ITCH: variants seen among roughly 807,000 people sequenced by gnomAD.
ITCH encodes the protein E3 ubiquitin-protein ligase Itchy homolog.
Under a neutral mutation model 126.8 loss-of-function variants are expected in ITCH, and 28 were observed. That is an observed-to-expected ratio of 0.22 (90% CI 0.16 to 0.30). The LOEUF is 0.30. Ranked by LOEUF, ITCH falls within the 10% of genes least tolerant of loss-of-function variation. The pLI, the probability that ITCH is intolerant of heterozygous loss-of-function variation, is 1.00. For synonymous variants in ITCH, 342 were observed against 340.0 expected (o/e 1.01, Z -0.06); for missense variants, 631 against 1,032.4 (o/e 0.61, Z 5.33).
intron 2 of ITCH, among the ~76,000 whole-genome samples, chr20:34,375,695 AATTTTTTTTTT>A (rs2037813544): frequency 2.2e-5 from 3 of 135,084 alleles, no homozygotes; most frequent in South Asian, 2.3e-4. Flanking sequence ...TGGTAGTTAA[AATTTTTTTTTT>A]TTTTTTTTTT....
rs182814630 is a variant in ITCH at position 34,427,163 on chromosome 20, C to G, written c.521+2638C>G. Among the ~76,000 whole-genome samples the G allele has an allele frequency of 2.9e-3, 447 of 152,274 alleles. 1 individual carries two copies. Among genetic ancestry groups the G allele is most frequent in the Non-Finnish European group, 5.4e-3 (369 of 68,020 alleles). ...AGTTTATAAAGCTGTTGTGTCTTAC[C>G]TAATAGGTATCTGCTTTCACATTCT... On this transcript the variant is annotated intron_variant, in intron 7 of 24. Transcript: ENST00000374864.
chr20:34,464,123 C>A (rs1478507138), intron 14 of ITCH, among the ~76,000 whole-genome samples: 1 of 151,274 alleles, frequency 6.6e-6, no homozygotes, highest in Non-Finnish European at 1.5e-5. Flanking sequence ...TACAGGCGCC[C>A]GCCACCATGC....
rs184566505 is a variant in ITCH at position 34,430,147 on chromosome 20, T to C, written c.521+5622T>C. On this transcript the variant is annotated intron_variant, in intron 7 of 24. Transcript: ENST00000374864. ...GTCTATTCTTCCTTCAGTTAGTCCTTAAACGTTTATGAGTTAGGTACTATT... is the reference window on the plus strand; with the variant it reads ...GTCTATTCTTCCTTCAGTTAGTCCTCAAACGTTTATGAGTTAGGTACTATT... 5.3e-5 allele frequency among the ~76,000 whole-genome samples: 8 copies of C among 152,340 alleles called. No individual in the cohort carries two copies. The East Asian group carries it at 1.3e-3, about 26-fold the overall frequency.
intron 3 of ITCH, among the ~76,000 whole-genome samples, chr20:34,400,368 A>G (rs899920523): frequency 6.6e-6 from 1 of 152,140 alleles, no homozygotes. Flanking sequence ...TCCCTGACCT[A>G]GGATTGCTGC....
chr20:34,457,239 AAATT>A, intron 12 of ITCH, 147 bp from the exon 13 acceptor site: 1 of 662,454 alleles, frequency 1.5e-6, no homozygotes, highest in Non-Finnish European at 2.7e-6. Flanking sequence ...AATAGTCAAT[AAATT>A]AAACCTTTTA....
At position 34,427,801 on chromosome 20, in the gene ITCH, A is replaced by C. The variant is rs78587214; in HGVS notation, c.521+3276A>C. ...TGGTCATTTACCTCTTCTTTTACAC[A>C]ATAAACCTGTATCTTTGTATAATAA... On this transcript the variant is annotated intron_variant, in intron 7 of 24. Transcript: ENST00000374864. 1.9e-3 allele frequency among the ~76,000 whole-genome samples: 293 copies of C among 152,326 alleles called. 1 individual carries two copies. Among genetic ancestry groups the C allele is most frequent in the African/African-American group, 6.8e-3 (281 of 41,582 alleles).
intron 23 of ITCH, among the ~76,000 whole-genome samples, chr20:34,503,401 A>G (rs765688519): frequency 6.6e-6 from 1 of 152,160 alleles, no homozygotes; most frequent in Non-Finnish European, 1.5e-5. Context: ...TTTTATGATC[A>G]CTTTTCACAG....
chr20:34,413,603 A>G, intron 5 of ITCH, 139 bp from the exon 6 acceptor site: 1 of 743,046 alleles, frequency 1.3e-6, no homozygotes, highest in South Asian at 2.3e-5. Context: ...ACCTTGGGTG[A>G]AACATAGTTA....
At chr20:34,416,831 G>A (rs1250032445) in intron 6 of ITCH, among the ~76,000 whole-genome samples, 2 of 151,402 alleles carry the variant, frequency 1.3e-5, no homozygotes, top group Non-Finnish European at 2.9e-5. Flanking sequence ...AATTTGTTAT[G>A]GTGTTTTCCT....
chr20:34,483,386 A>G (rs907417915), intron 20 of ITCH, among the ~76,000 whole-genome samples: 4 of 152,164 alleles, frequency 2.6e-5, no homozygotes, highest in African/African-American at 9.7e-5. Flanking sequence ...ACAGCACGCA[A>G]GTCTCCTCTT....
At chr20:34,505,871 G>A (rs1309600783) in intron 24 of ITCH, among the ~76,000 whole-genome samples, 2 of 152,124 alleles carry the variant, frequency 1.3e-5, no homozygotes, top group African/African-American at 4.8e-5. Context: ...ACAACCTTTT[G>A]TGTGTAGCTT....
chr20:34,422,745 T>C (rs1980946243), intron 6 of ITCH, among the ~76,000 whole-genome samples: 1 of 152,166 alleles, frequency 6.6e-6, no homozygotes, highest in African/African-American at 2.4e-5. Flanking sequence ...CTCTTGCCTG[T>C]TTACAGGAGC....
At chr20:34,415,042 C>T (rs1979637964) in intron 6 of ITCH, among the ~76,000 whole-genome samples, 6 of 152,144 alleles carry the variant, frequency 3.9e-5, no homozygotes, top group South Asian at 2.1e-4. Flanking sequence ...CAGATATTTC[C>T]ATCACTTCCT....
intron 6 of ITCH, among the ~76,000 whole-genome samples, chr20:34,414,457 CTTTTTTTTTTTTT>C (rs770240058): frequency 9.9e-5 from 7 of 70,826 alleles, no homozygotes; most frequent in Non-Finnish European, 1.3e-4. Context: ...ACTTTAAATC[CTTTTTTTTTTTTT>C]TTTTTTTTTT....
At chr20:34,410,067 A>AG (rs754442462) in intron 4 of ITCH, among the ~76,000 whole-genome samples, 1 of 150,298 alleles carries the variant, frequency 6.7e-6, no homozygotes, top group Non-Finnish European at 1.5e-5. Context: ...AAAAAAAAAA[A>AG]GAAGAAAAAG....
intron 15 of ITCH, among the ~76,000 whole-genome samples, chr20:34,470,602 A>AT (rs1374788301): frequency 6.6e-6 from 1 of 151,984 alleles, no homozygotes. Flanking sequence ...TTTATGTGTT[A>AT]TTTTTTCTGA....
At chr20:34,373,657 T>G (rs2037726521) in intron 2 of ITCH, among the ~76,000 whole-genome samples, 2 of 149,970 alleles carry the variant, frequency 1.3e-5, no homozygotes. Flanking sequence ...GCAACTCGCA[T>G]TTTTTTTTTC....
chr20:34,499,361 A>T (rs6059878), intron 23 of ITCH, among the ~76,000 whole-genome samples: 63,544 of 137,790 alleles, frequency 0.46, 14,688 homozygotes, highest in Middle Eastern at 0.56. Context: ...ACTTTTTATT[A>T]CAGATTCAGT....
intron 12 of ITCH, among the ~76,000 whole-genome samples, chr20:34,452,967 C>T (rs1038343696): frequency 2.6e-5 from 4 of 152,216 alleles, no homozygotes; most frequent in Admixed American, 2.6e-4. Flanking sequence ...AAGATATTCT[C>T]TCATTTTCCT....
Sources: gnomAD v4.1 joint callset for allele counts (sites outside exome capture counted in the v4.1 genomes callset) on GRCh38, gnomAD v4.1.1 for gene constraint, MANE v1.5 for transcripts, NCBI Gene and HGNC (gene_info 2026-07-23, HGNC 2026-07-21) for gene names.